The following NAALADL2 variants were observed in gnomAD, a reference collection of about 807,000 sequenced individuals.
The protein encoded by NAALADL2 is inactive N-acetylated-alpha-linked acidic dipeptidase-like protein 2.
Under a neutral mutation model 87.2 loss-of-function variants are expected in NAALADL2, and 76 were observed. The ratio of observed to expected loss-of-function variants is 0.87; its 90% CI spans 0.72 to 1.05. The LOEUF (loss-of-function observed/expected upper bound fraction) is 1.05, where lower values mean the gene tolerates loss of function less well. Ranked by LOEUF, NAALADL2 falls within the 50% of genes least tolerant of loss-of-function variation. The pLI, the probability that NAALADL2 is intolerant of heterozygous loss-of-function variation, is 0.00. For missense variants in NAALADL2, 1,089 were observed against 945.8 expected (o/e 1.15, Z -1.99); for synonymous variants, 354 against 331.0 (o/e 1.07, Z -0.75).
At chr3:174,948,028 C>T (rs12493041) in intron 1 of NAALADL2, among the ~76,000 whole-genome samples, 56,421 of 151,776 alleles carry the variant, frequency 0.37, 12,707 homozygotes, top group African/African-American at 0.61. Context: ...ACCTTTGACA[C>T]GAAACTTGAC....
intron 2 of NAALADL2, among the ~76,000 whole-genome samples, chr3:175,107,708 T>G (rs952884463): frequency 6.6e-6 from 1 of 151,958 alleles, no homozygotes; most frequent in Non-Finnish European, 1.5e-5. Context: ...ATATTGAAAT[T>G]TTTAGAAATT....
chr3:175,319,795 G>C (rs1163167999), intron 4 of NAALADL2, among the ~76,000 whole-genome samples: 1 of 152,154 alleles, frequency 6.6e-6, no homozygotes, highest in Non-Finnish European at 1.5e-5. Flanking sequence ...AATCCAGCCT[G>C]GGCGACAGAG....
intron 1 of NAALADL2, among the ~76,000 whole-genome samples, chr3:174,957,615 G>A (rs1218427695): frequency 6.8e-6 from 1 of 147,964 alleles, no homozygotes; most frequent in Non-Finnish European, 1.5e-5. Context: ...TTTTTTTTTT[G>A]TAGTTGTTGA....
intron 11 of NAALADL2, among the ~76,000 whole-genome samples, chr3:175,734,482 G>A (rs4381951): frequency 0.02 from 3,118 of 152,126 alleles, 103 homozygotes; most frequent in African/African-American, 0.07. Context: ...GTGTGAACTC[G>A]GGAGGCGGAG....
At chr3:175,473,693 G>A (rs981679058) in intron 9 of NAALADL2, among the ~76,000 whole-genome samples, 10 of 151,548 alleles carry the variant, frequency 6.6e-5, no homozygotes, top group Admixed American at 4.6e-4. Flanking sequence ...TAAGAGATAC[G>A]AAGAAAACAA....
At chr3:175,710,991 C>G (rs1359187095) in intron 11 of NAALADL2, among the ~76,000 whole-genome samples, 1 of 151,794 alleles carries the variant, frequency 6.6e-6, no homozygotes, top group African/African-American at 2.4e-5. Flanking sequence ...TAATTCCATC[C>G]AGATGTTGAA....
At chr3:174,574,065 T>A (rs1462711665) in intron 2 of NAALADL2, among the ~76,000 whole-genome samples, 1 of 152,234 alleles carries the variant, frequency 6.6e-6, no homozygotes, top group African/African-American at 2.4e-5. Context: ...AGAATGTATA[T>A]TCACCTGTGA....
intron 4 of NAALADL2, among the ~76,000 whole-genome samples, chr3:175,264,829 A>G (rs1056056766): frequency 6.6e-6 from 1 of 151,746 alleles, no homozygotes; most frequent in East Asian, 1.9e-4. Flanking sequence ...TAAAAATTAG[A>G]AGTATATTAC....
chr3:174,546,731 T>A (rs891875440), intron 1 of NAALADL2, among the ~76,000 whole-genome samples: 3 of 152,134 alleles, frequency 2.0e-5, no homozygotes, highest in African/African-American at 7.2e-5. Context: ...GATCTTGGCT[T>A]ACTACATCCT....
chr3:175,309,750 AAGG>A (rs568691274), intron 4 of NAALADL2, among the ~76,000 whole-genome samples: 81 of 152,304 alleles, frequency 5.3e-4, no homozygotes, highest in African/African-American at 1.7e-3. Context: ...ATAATAAAAT[AAGG>A]AGGAAAAAAT....
intron 5 of NAALADL2, among the ~76,000 whole-genome samples, chr3:175,366,347 G>C (rs1765563648): frequency 6.6e-6 from 1 of 151,840 alleles, no homozygotes; most frequent in African/African-American, 2.4e-5. Flanking sequence ...ATAACAGCAT[G>C]ATTTATAGTC....
At position 174,838,609 on chromosome 3, in the gene NAALADL2, G is replaced by A. The variant is rs184164402; in HGVS notation, c.-9+100863G>A. On this transcript the variant is annotated intron_variant, in intron 3 of 3. Coordinates refer to the NAALADL2 transcript ENST00000434257. Reference sequence around the variant, plus strand: ...CCTAGAAAACTCTAAAGACTACTCCGGAAAGCTCCAAGAACTGATAAAAGA... The same window carrying A: ...CCTAGAAAACTCTAAAGACTACTCCAGAAAGCTCCAAGAACTGATAAAAGA... Among the ~76,000 whole-genome samples, 7 of 152,084 alleles carry A rather than the reference G, an allele frequency of 4.6e-5. No homozygotes were observed. The East Asian group carries it at 9.7e-4, about 21-fold the overall frequency.
chr3:175,764,833 A>G (rs1748485652), intron 13 of NAALADL2, among the ~76,000 whole-genome samples: 1 of 152,040 alleles, frequency 6.6e-6, no homozygotes, highest in South Asian at 2.1e-4. Context: ...AACCCCCCAA[A>G]TCACTACAGA....
At chr3:174,686,100 T>A (rs1361347507) in intron 2 of NAALADL2, among the ~76,000 whole-genome samples, 1 of 152,130 alleles carries the variant, frequency 6.6e-6, no homozygotes, top group Non-Finnish European at 1.5e-5. Context: ...TCCATATCTT[T>A]GCTATTGTGT....
At position 175,154,886 on chromosome 3, in the gene NAALADL2, T is replaced by C. The variant is rs113422903; in HGVS notation, c.545+57595T>C. 3.4e-3 allele frequency among the ~76,000 whole-genome samples: 517 copies of C among 152,258 alleles called. 2 individuals are homozygous for C. Among genetic ancestry groups the C allele is most frequent in the African/African-American group, 0.012 (499 of 41,554 alleles). ...TAGCAAATCACAGTAATGTCTTTAC[T>C]CCATACCCCTGTTATTTTAAAAAAT... is the stretch of plus-strand genomic sequence containing the variant. On this transcript the variant is annotated intron_variant, in intron 2 of 13. Coordinates refer to ENST00000454872, the MANE Select transcript of NAALADL2 (RefSeq NM_207015.3).
At chr3:175,278,851 C>T (rs1753918365) in intron 4 of NAALADL2, among the ~76,000 whole-genome samples, 1 of 152,040 alleles carries the variant, frequency 6.6e-6, no homozygotes, top group South Asian at 2.1e-4. Flanking sequence ...TTTCTTATTC[C>T]AAGTTGTAGT....
chr3:174,604,623 G>GTT (rs779370478), intron 2 of NAALADL2, among the ~76,000 whole-genome samples: 44 of 124,500 alleles, frequency 3.5e-4, no homozygotes, highest in African/African-American at 1.1e-3. Flanking sequence ...TTCATTTTCT[G>GTT]TTGTGTGTGT....
At chr3:175,585,641 C>CA (rs899602577) in intron 10 of NAALADL2, among the ~76,000 whole-genome samples, 1 of 151,522 alleles carries the variant, frequency 6.6e-6, no homozygotes, top group African/African-American at 2.4e-5. Flanking sequence ...TTTACATTTC[C>CA]AAAAAATATA....
intron 1 of NAALADL2, among the ~76,000 whole-genome samples, chr3:175,080,601 A>T (rs1717613526): frequency 6.6e-6 from 1 of 152,228 alleles, no homozygotes; most frequent in South Asian, 2.1e-4. Flanking sequence ...TTGAAATCTT[A>T]CACATTATTG....
Sources: allele counts gnomAD v4.1 joint callset (sites outside exome capture counted in the v4.1 genomes callset), GRCh38; gene constraint gnomAD v4.1.1; transcripts MANE v1.5; gene names NCBI Gene and HGNC (gene_info 2026-07-23, HGNC 2026-07-21).